Variants in UPF3B observed in about 807,000 individuals in gnomAD.
UPF3B encodes regulator of nonsense transcripts 3B.
Under a neutral mutation model 40.3 loss-of-function variants are expected in UPF3B, and 7 were observed. The ratio of observed to expected loss-of-function variants is 0.17; its 90% CI spans 0.10 to 0.33. The LOEUF (loss-of-function observed/expected upper bound fraction) is 0.33. UPF3B is among the 10% of genes least tolerant of loss of function. The pLI, the probability that UPF3B is intolerant of heterozygous loss-of-function variation, is 1.00. For missense variants in UPF3B, 229 were observed against 358.9 expected, an observed-to-expected ratio of 0.64 and a Z score of 2.93; for synonymous variants, 117 against 117.3, an observed-to-expected ratio of 1.00 and a Z score of 0.01.
At chrX:119,850,017 T>C (rs1361927354) in intron 3 of UPF3B, among the ~76,000 whole-genome samples, 1 of 103,602 alleles carries the variant, frequency 9.7e-6, no homozygotes, top group Admixed American at 1.1e-4. Flanking sequence ...GAGCTGGGTA[T>C]GGTGGCTCGC....
intron 3 of UPF3B, among the ~76,000 whole-genome samples, chrX:119,849,963 A>G (rs978580303): frequency 1.4e-4 from 15 of 109,732 alleles, no homozygotes; most frequent in African/African-American, 5.0e-4. Context: ...CAAACAAACA[A>G]AAAACACAAT....
intron 4 of UPF3B, chrX:119,822,907 C>G: frequency 1.4e-5 from 12 of 862,498 alleles, no homozygotes; most frequent in Non-Finnish European, 1.5e-5. Flanking sequence ...CACGCCCGGC[C>G]TCTCCTCTTC....
intron 3 of UPF3B, among the ~76,000 whole-genome samples, chrX:119,827,070 T>C (rs2055986141): frequency 8.9e-6 from 1 of 111,990 alleles, no homozygotes; most frequent in Non-Finnish European, 1.9e-5. Context: ...ACGGCAATGC[T>C]CCTGCTTATG....
chrX:119,851,764 T>TTTTTTTTTTTTTAAA lies in UPF3B; in HGVS notation c.263+2_263+3insTTTAAAAAAAAAAAA. 2 of 968,489 alleles carry TTTTTTTTTTTTTAAA rather than the reference T, an allele frequency of 2.1e-6. No homozygotes were observed. The highest frequency in any genetic ancestry group is 2.8e-6 in the Non-Finnish European group (2 of 710,208). The allele number at this position is 968,489 out of a possible 1,213,427, so 79.8% of individuals were successfully genotyped here. A position where few individuals can be genotyped will look rare whatever the true frequency, so the allele number is the denominator to read the frequency against. ...ACCCCTTTCCTTTTTTTTTTTTTTT[T>TTTTTTTTTTTTTAAA]ACCTCGTATCATTAGAAAAAAACTC... On this transcript the variant is annotated splice_region_variant and intron_variant, in intron 2 of 10. Transcript: ENST00000276201.
rs142984131 is a variant in UPF3B, at chrX:119,834,260, C to T, written c.*618G>A. On this transcript the variant is annotated 3_prime_UTR_variant, in exon 11 of 11. Transcript: ENST00000276201. ...ACACGAAGTTTAAAAATATTCTTTA[C>T]GCTAAGCTCATATAAGCAAACAAAA... The T allele has an allele frequency of 4.5e-4, 340 of 753,599 alleles. No homozygotes were observed. Among genetic ancestry groups the T allele is most frequent in the Non-Finnish European group, 5.0e-4 (320 of 639,428 alleles). The allele number at this position is 753,599 out of a possible 1,213,427, so 62.1% of individuals were successfully genotyped here.
intron 5 of UPF3B, among the ~76,000 whole-genome samples, chrX:119,813,151 G>A (rs139930768): frequency 1.8e-3 from 205 of 111,910 alleles, no homozygotes; most frequent in African/African-American, 6.4e-3. Context: ...CTGGCAGAAT[G>A]AATGAAAATC....
At position 119,851,553 on chromosome X, in the gene UPF3B, T is replaced by C. The variant is rs777231805; in HGVS notation, c.312A>G (p.Gln104=). 8.3e-7 allele frequency: 1 copy of C among 1,210,009 alleles called. No individual in the cohort carries two copies. The highest frequency in any genetic ancestry group is 1.1e-6 in the Non-Finnish European group (1 of 894,116). The change falls in exon 3 of 11, where the codon CAA becomes CAG. Residue 104 remains glutamine (Q), a synonymous_variant. Transcript: ENST00000276201. The part of the protein sequence containing the change: ...YARAYINFKN[Q]EDIILFRDRF... ...GATCCCTGAACAAAATAATGTCCTC[T>C]TGGTTTTTAAAGTTGATGTATGCTC...
chrX:119,808,754 T>A (rs922142281), intron 5 of UPF3B, among the ~76,000 whole-genome samples: 1 of 111,303 alleles, frequency 9.0e-6, no homozygotes, highest in African/African-American at 3.3e-5. Flanking sequence ...AGGCAAGGGA[T>A]GTCAGCTCAT....
intron 4 of UPF3B, among the ~76,000 whole-genome samples, chrX:119,817,755 G>A (rs1219273267): frequency 3.6e-5 from 4 of 111,694 alleles, no homozygotes; most frequent in Non-Finnish European, 7.5e-5. Context: ...TCCTATCAGC[G>A]AAAAATGGAT....
chrX:119,852,180 T>C (rs1398277570), intron 1 of UPF3B, among the ~76,000 whole-genome samples: 3 of 111,849 alleles, frequency 2.7e-5, no homozygotes, highest in African/African-American at 9.8e-5. Flanking sequence ...TTAACAGATC[T>C]AGTGGCAATA....
chrX:119,815,316 C>T (rs1226190722), intron 4 of UPF3B: 11 of 747,172 alleles, frequency 1.5e-5, no homozygotes, highest in Non-Finnish European at 1.6e-5. Flanking sequence ...TTCTGAAGTA[C>T]AATGAAATAT....
Position 119,840,956 on chromosome X carries a change from C to G in UPF3B, c.807+120G>C, listed in dbSNP as rs41310448. The G allele has an allele frequency of 0.014, 11,220 of 814,490 alleles. 108 individuals carry two copies. The highest frequency in any genetic ancestry group is 0.014 in the Non-Finnish European group (7,958 of 565,239). 67.1% of individuals were successfully genotyped at this position (814,490 alleles called of 1,213,427 possible). On this transcript the variant is annotated intron_variant, in intron 7 of 10. Transcript: ENST00000276201. ...AGATTTTTATTGGATCACTTCCCCC[C>G]AAAAGAGAACAAAAACAAAACAAAA...
At chrX:119,819,948 G>A (rs766355058) in intron 4 of UPF3B, among the ~76,000 whole-genome samples, 6 of 104,590 alleles carry the variant, frequency 5.7e-5, no homozygotes, top group Non-Finnish European at 1.2e-4. Flanking sequence ...GGGTTCAAAC[G>A]ATTCTCTAGC....
intron 4 of UPF3B, among the ~76,000 whole-genome samples, chrX:119,820,626 A>ATTTTTTTT (rs370271993): frequency 0.01 from 911 of 90,101 alleles, 22 homozygotes; most frequent in African/African-American, 0.038. Flanking sequence ...AGCCTGGCCA[A>ATTTTTTTT]TTTTTTTTTT....
intron 3 of UPF3B, among the ~76,000 whole-genome samples, chrX:119,825,185 G>A (rs755337665): frequency 3.6e-5 from 4 of 111,966 alleles, no homozygotes; most frequent in Non-Finnish European, 5.6e-5. Context: ...CCACATGGCT[G>A]GGGGAGCCTC....
intron 8 of UPF3B, among the ~76,000 whole-genome samples, chrX:119,840,169 C>T (rs2056145005): frequency 8.9e-6 from 1 of 111,952 alleles, no homozygotes; most frequent in Admixed American, 9.5e-5. Flanking sequence ...AAGCCATGCC[C>T]TTAGAAGGGA....
Position 119,834,552 on chromosome X carries a change from C to T in UPF3B, c.*326G>A. On this transcript the variant is annotated 3_prime_UTR_variant, in exon 11 of 11. Coordinates refer to ENST00000276201, the MANE Select transcript of UPF3B (RefSeq NM_080632.3). ...CAACAGCTTTTGATTTTAGAACCAG[C>T]TCTTACTTTTCTCTCGTGTCATATG... 1 of 926,700 alleles carries T rather than the reference C, an allele frequency of 1.1e-6. No individual in the cohort carries two copies. The highest frequency in any genetic ancestry group is 1.3e-6 in the Non-Finnish European group (1 of 746,941). The allele number at this position is 926,700 out of a possible 1,213,427, so 76.4% of individuals were successfully genotyped here.
chrX:119,842,383 A>G (rs1016244906), intron 5 of UPF3B, among the ~76,000 whole-genome samples: 3 of 110,699 alleles, frequency 2.7e-5, no homozygotes, highest in African/African-American at 9.9e-5. Flanking sequence ...CAGGAGTTCG[A>G]GATCAGCCTG....
intron 1 of UPF3B, 116 bp downstream of exon 1, chrX:119,852,657 A>C (rs1311219749): frequency 2.7e-6 from 3 of 1,096,128 alleles, no homozygotes; most frequent in Non-Finnish European, 2.5e-6. Context: ...ACTTCCATTC[A>C]GGCGAAGAGA....
Sources: allele counts gnomAD v4.1 joint callset (sites outside exome capture counted in the v4.1 genomes callset), GRCh38; gene constraint gnomAD v4.1.1; transcripts MANE v1.5; gene names NCBI Gene and HGNC (gene_info 2026-07-23, HGNC 2026-07-21).